Variants in MICU2 observed in about 807,000 individuals in gnomAD.
The protein encoded by MICU2 is calcium uptake protein 2, mitochondrial.
MICU2 carries 64 observed loss-of-function variants against 60.4 expected under a neutral mutation model. The observed-to-expected ratio is 1.06, with a 90% CI of 0.87 to 1.31. The LOEUF is 1.31. Among genes scored for constraint, MICU2 ranks in the 50% most tolerant of loss-of-function variants. The pLI is 0.00. For synonymous variants in MICU2, 201 were observed against 175.0 expected (o/e 1.15, Z -1.17); for missense variants, 569 against 531.0 (o/e 1.07, Z -0.70).
At chr13:21,543,630 A>G (rs1291252984) in intron 2 of MICU2, among the ~76,000 whole-genome samples, 1 of 152,172 alleles carries the variant, frequency 6.6e-6, no homozygotes, top group African/African-American at 2.4e-5. Context: ...AACCTTCACA[A>G]AAATAACTAC....
At chr13:21,603,637 G>T (rs1888877588) in intron 1 of MICU2, 7 of 474,594 alleles carry the variant, frequency 1.5e-5, no homozygotes, top group South Asian at 1.4e-4. Flanking sequence ...ATTAAGACAC[G>T]CCCACACTCA....
At chr13:21,567,756 T>C (rs1239751184) in intron 1 of MICU2, among the ~76,000 whole-genome samples, 1 of 152,178 alleles carries the variant, frequency 6.6e-6, no homozygotes, top group Non-Finnish European at 1.5e-5. Flanking sequence ...ACTGTACTAA[T>C]CAAGTATTCA....
chr13:21,493,368 TA>T lies in MICU2; in HGVS notation c.1201-16del. ...TGTTGTGGTACCTGTTAACCGAAAG[TA>T]AAAATCAAGGGGTCATTGTCTTCAA... On this transcript the variant is annotated splice_polypyrimidine_tract_variant and intron_variant, in intron 11 of 11. Coordinates refer to ENST00000382374, the MANE Select transcript of MICU2 (RefSeq NM_152726.3). 1 of 1,569,664 alleles carries T rather than the reference TA, an allele frequency of 6.4e-7. No individual in the cohort carries two copies. The highest frequency in any genetic ancestry group is 2.3e-5 in the East Asian group (1 of 44,016).
chr13:21,548,438 G>C (rs1045463177), intron 2 of MICU2, among the ~76,000 whole-genome samples: 2 of 152,208 alleles, frequency 1.3e-5, no homozygotes, highest in African/African-American at 4.8e-5. Flanking sequence ...CACAGATTTT[G>C]TGGATAGAAG....
intron 1 of MICU2, among the ~76,000 whole-genome samples, chr13:21,586,222 T>A (rs1423811772): frequency 2.0e-5 from 3 of 152,200 alleles, no homozygotes; most frequent in Non-Finnish European, 4.4e-5. Flanking sequence ...TGATTACAGA[T>A]CCCTGAATCT....
chr13:21,535,930 C>T (rs1295175148), intron 4 of MICU2, among the ~76,000 whole-genome samples: 1 of 152,068 alleles, frequency 6.6e-6, no homozygotes, highest in Non-Finnish European at 1.5e-5. Context: ...TAAGTAATTT[C>T]CCCGGGTCAT....
At position 21,509,120 on chromosome 13, in the gene MICU2, C is replaced by T. The variant is rs536326428; in HGVS notation, c.761+884G>A. On this transcript the variant is annotated intron_variant, in intron 8 of 11. Transcript: ENST00000382374. ...TGTTTTTCCCCACTATTCTGTACTG[C>T]TTTTTGATATCTGTTTTAAGACTTT... is the stretch of plus-strand genomic sequence containing the variant. 4.6e-5 allele frequency among the ~76,000 whole-genome samples: 7 copies of T among 152,280 alleles called. No individual in the cohort carries two copies. The South Asian group carries it at 1.4e-3, about 32-fold the overall frequency.
chr13:21,602,790 GT>G (rs1348915578), intron 1 of MICU2: 1 of 152,094 alleles, frequency 6.6e-6, no homozygotes, highest in Non-Finnish European at 1.5e-5. Flanking sequence ...TGTTCCTTGA[GT>G]TTTTCGCTAG....
chr13:21,527,965 T>TA (rs1320920904), intron 4 of MICU2, among the ~76,000 whole-genome samples: 1 of 152,214 alleles, frequency 6.6e-6, no homozygotes, highest in East Asian at 1.9e-4. Flanking sequence ...TGACCGCTGT[T>TA]AAGTACAATT....
chr13:21,556,928 G>A (rs577203784), intron 2 of MICU2, among the ~76,000 whole-genome samples: 2 of 152,142 alleles, frequency 1.3e-5, no homozygotes, highest in African/African-American at 4.8e-5. Context: ...TAGTGGCTCC[G>A]ATCTGCACAA....
At chr13:21,501,886 T>A (rs1380042713) in intron 9 of MICU2, among the ~76,000 whole-genome samples, 1 of 152,146 alleles carries the variant, frequency 6.6e-6, no homozygotes, top group East Asian at 1.9e-4. Flanking sequence ...GGTCTAGACC[T>A]CTATGCGGAC....
At chr13:21,565,317 C>T (rs753826913) in intron 2 of MICU2, among the ~76,000 whole-genome samples, 1 of 151,634 alleles carries the variant, frequency 6.6e-6, no homozygotes. Context: ...TACCTGAGGT[C>T]AGGAGGTTGA....
chr13:21,554,569 A>G (rs902825163), intron 2 of MICU2, among the ~76,000 whole-genome samples: 1 of 152,190 alleles, frequency 6.6e-6, no homozygotes, highest in Non-Finnish European at 1.5e-5. Context: ...AAATGCCCAC[A>G]AGAGAAAGCA....
intron 1 of MICU2, among the ~76,000 whole-genome samples, chr13:21,590,731 C>T (rs1167495962): frequency 6.6e-6 from 1 of 152,028 alleles, no homozygotes; most frequent in East Asian, 1.9e-4. Context: ...GGCATTTGTC[C>T]GTAGTCCCAG....
At chr13:21,506,926 A>AT (rs1886304105) in intron 8 of MICU2, among the ~76,000 whole-genome samples, 1 of 152,220 alleles carries the variant, frequency 6.6e-6, no homozygotes, top group Non-Finnish European at 1.5e-5. Context: ...ATATGAAACC[A>AT]TTTTTGTGGA....
At chr13:21,594,279 G>C (rs966868393) in intron 1 of MICU2, among the ~76,000 whole-genome samples, 3 of 152,014 alleles carry the variant, frequency 2.0e-5, no homozygotes, top group Non-Finnish European at 4.4e-5. Context: ...ACATGAAAAA[G>C]AGCTCATCAT....
intron 5 of MICU2, 57 bp downstream of exon 5, chr13:21,522,546 G>T: frequency 7.2e-7 from 1 of 1,386,342 alleles, no homozygotes; most frequent in South Asian, 1.3e-5. Context: ...TTAAAATCCT[G>T]TTTGGTAAGA....
At chr13:21,554,021 G>C (rs1299960945) in intron 2 of MICU2, among the ~76,000 whole-genome samples, 1 of 152,150 alleles carries the variant, frequency 6.6e-6, no homozygotes, top group Non-Finnish European at 1.5e-5. Context: ...GGAGCACCCA[G>C]ATTCATAAAG....
chr13:21,569,115 G>A, intron 1 of MICU2, among the ~76,000 whole-genome samples: 1 of 152,126 alleles, frequency 6.6e-6, no homozygotes, highest in East Asian at 1.9e-4. Context: ...TGATTTCCGA[G>A]CTTGAGGCTG....
Sources: gnomAD v4.1 joint callset for allele counts (sites outside exome capture counted in the v4.1 genomes callset) on GRCh38, gnomAD v4.1.1 for gene constraint, MANE v1.5 for transcripts, NCBI Gene and HGNC (gene_info 2026-07-23, HGNC 2026-07-21) for gene names.